Variants in DNASE1L3 observed in about 807,000 individuals in gnomAD.
The protein encoded by DNASE1L3 is deoxyribonuclease 1L3.
In DNASE1L3, 27 loss-of-function variants were observed where a neutral mutation model predicts 30.9. The ratio of observed to expected loss-of-function variants is 0.87; its 90% CI spans 0.64 to 1.20. The LOEUF (loss-of-function observed/expected upper bound fraction) is 1.20, where lower values mean the gene tolerates loss of function less well. Ranked by LOEUF, DNASE1L3 falls within the 50% of genes most tolerant of loss-of-function variation. The pLI is 0.00. For missense variants in DNASE1L3, 364 were observed against 378.2 expected (o/e 0.96, Z 0.31); for synonymous variants, 135 against 138.0 (o/e 0.98, Z 0.15).
In DNASE1L3 at chr3:58,203,837, G is replaced by A. The variant is rs554478717; in HGVS notation, c.433+932C>T. Among the ~76,000 whole-genome samples, 3 of 152,210 alleles carry A rather than the reference G, an allele frequency of 2.0e-5. No individual in the cohort carries two copies. In the South Asian group the frequency reaches 6.2e-4, roughly 32 times the overall value. ...AAAAAAAAAGAACATGAGCTCCTGA[G>A]GTGGTGGCCTGGGTTACAACCCTGG... is the stretch of plus-strand genomic sequence containing the variant. On this transcript the variant is annotated intron_variant, in intron 4 of 7. Coordinates refer to ENST00000394549, the MANE Select transcript of DNASE1L3 (RefSeq NM_004944.4).
rs76440799 is a variant in DNASE1L3 at position 58,193,415 on chromosome 3, G to A, written c.729C>T (p.Ile243=). Residue 243 remains isoleucine, a synonymous_variant, in exon 7 of 8, where the codon ATC becomes ATT. Transcript: ENST00000394549. ...TTGACTTGGGAACAACAGAACTGAC[G>A]ATTTCTTGTCCTCTAAGCACAATCC... The part of the protein sequence containing the change: ...YDRIVLRGQE[I]VSSVVPKSNS... The A allele has an allele frequency of 1.1e-5, 18 of 1,613,706 alleles. No individual in the cohort carries two copies. Among genetic ancestry groups the A allele is most frequent in the East Asian group, 1.1e-4 (5 of 44,882 alleles).
chr3:58,194,596 C>T (rs1395381329), intron 6 of DNASE1L3, among the ~76,000 whole-genome samples: 7 of 148,338 alleles, frequency 4.7e-5, no homozygotes, highest in Non-Finnish European at 8.9e-5. Flanking sequence ...CTGGGATTAC[C>T]GGTGTAAGCC....
At chr3:58,195,859 A>T (rs984576045) in intron 6 of DNASE1L3, among the ~76,000 whole-genome samples, 3 of 152,216 alleles carry the variant, frequency 2.0e-5, no homozygotes, top group Admixed American at 2.0e-4. Flanking sequence ...CATCAAAATA[A>T]GAAATGAATC....
At chr3:58,201,842 A>G (rs2097400744) in intron 4 of DNASE1L3, among the ~76,000 whole-genome samples, 1 of 152,250 alleles carries the variant, frequency 6.6e-6, no homozygotes, top group South Asian at 2.1e-4. Context: ...CCATTGTTCC[A>G]TCTGCAAGGA....
intron 6 of DNASE1L3, among the ~76,000 whole-genome samples, chr3:58,194,076 C>T (rs1559754657): frequency 6.6e-6 from 1 of 152,156 alleles, no homozygotes. Flanking sequence ...AGAAAAATCA[C>T]AGCATATGTG....
At position 58,192,998 on chromosome 3, in the gene DNASE1L3, C is replaced by A; in HGVS notation, c.802-195G>T. 2 of 1,434,076 alleles carry A rather than the reference C, an allele frequency of 1.4e-6. No individual in the cohort carries two copies. Among genetic ancestry groups the A allele is most frequent in the Non-Finnish European group, 1.8e-6 (2 of 1,101,658 alleles). The allele number at this position is 1,434,076 out of a possible 1,614,324, so 88.8% of individuals were successfully genotyped here. A position where few individuals can be genotyped will look rare whatever the true frequency, so the allele number is the denominator to read the frequency against. ...TTGGAGGGGCCTCAAATCACAGAAT[C>A]ATAGGCATTGAGGGTCAAGGTCTAG... On this transcript the variant is annotated intron_variant, in intron 7 of 7. Transcript: ENST00000394549. The surrounding 1 kb of genome is among the most constrained non-coding windows in gnomAD (Gnocchi z 4.8).
chr3:58,195,235 ACAT>A (rs1443699245), intron 6 of DNASE1L3, among the ~76,000 whole-genome samples: 4 of 152,152 alleles, frequency 2.6e-5, no homozygotes, highest in African/African-American at 9.7e-5. Context: ...CATTTTTAAA[ACAT>A]CATTTTTATG....
intron 4 of DNASE1L3, among the ~76,000 whole-genome samples, chr3:58,204,004 A>G (rs2097402322): frequency 6.6e-6 from 1 of 152,104 alleles, no homozygotes; most frequent in Non-Finnish European, 1.5e-5. Flanking sequence ...GGGCCAGTAC[A>G]AGTACTGTTG....
intron 4 of DNASE1L3, among the ~76,000 whole-genome samples, chr3:58,203,602 A>G (rs1252050839): frequency 6.6e-6 from 1 of 152,212 alleles, no homozygotes; most frequent in Non-Finnish European, 1.5e-5. Flanking sequence ...GTTCAAGAAC[A>G]GCCTAGGCAA....
chr3:58,209,911 C>T (rs1323878678), intron 1 of DNASE1L3, among the ~76,000 whole-genome samples: 1 of 152,128 alleles, frequency 6.6e-6, no homozygotes, highest in Non-Finnish European at 1.5e-5. Flanking sequence ...GGTTAAGTTG[C>T]CAGCATCAAA....
chr3:58,206,412 G>A (rs1183578735), intron 2 of DNASE1L3, among the ~76,000 whole-genome samples: 2 of 152,164 alleles, frequency 1.3e-5, no homozygotes, highest in Non-Finnish European at 2.9e-5. Context: ...GGCAGACTTA[G>A]CCCCTGGGGC....
intron 2 of DNASE1L3, chr3:58,207,974 C>CT (rs1443332113): frequency 1.2e-5 from 5 of 417,512 alleles, no homozygotes; most frequent in Non-Finnish European, 2.1e-5. Context: ...GCCTCATCTG[C>CT]TTTTTTCATT....
intron 6 of DNASE1L3, among the ~76,000 whole-genome samples, chr3:58,196,728 A>G (rs1328660417): frequency 6.6e-6 from 1 of 152,106 alleles, no homozygotes; most frequent in Non-Finnish European, 1.5e-5. Context: ...CTGTGATGGA[A>G]GATCACTAAC....
rs986134873 is a variant in DNASE1L3 at position 58,200,756 on chromosome 3, A to G, written c.546+241T>C. ...CCTGGCACTAGCTATTCACTCAGTA[A>G]ATGTTGGCATCTGTTATTAATGGGA... is the stretch of plus-strand genomic sequence containing the variant. On this transcript the variant is annotated intron_variant, in intron 5 of 7. Transcript: ENST00000394549. This position sits in a 1 kb window ranked among gnomAD's most constrained non-coding sequence, Gnocchi z 4.2. Among the ~76,000 whole-genome samples, 1 of 152,198 alleles carries G rather than the reference A, an allele frequency of 6.6e-6. No individual in the cohort carries two copies. Among genetic ancestry groups the G allele is most frequent in the Admixed American group, 6.5e-5 (1 of 15,290 alleles).
intron 6 of DNASE1L3, among the ~76,000 whole-genome samples, chr3:58,196,137 T>C (rs974417430): frequency 1.3e-5 from 2 of 152,132 alleles, no homozygotes; most frequent in African/African-American, 2.4e-5. Flanking sequence ...CAGGCTTTGC[T>C]GGAAGTCCTT....
In DNASE1L3 at chr3:58,192,547, G is replaced by T; in HGVS notation, c.*140C>A. Reference sequence around the variant, plus strand: ...TACAAAAGATTCTCCTTCCAATTTGGCTCAAGTCAGAATAAATTCAGGTCA... The same window carrying T: ...TACAAAAGATTCTCCTTCCAATTTGTCTCAAGTCAGAATAAATTCAGGTCA... On this transcript the variant is annotated 3_prime_UTR_variant, in exon 8 of 8. Transcript: ENST00000394549. This position sits in a 1 kb window ranked among gnomAD's most constrained non-coding sequence, Gnocchi z 4.8. 1.1e-6 allele frequency: 1 copy of T among 886,806 alleles called. No individual in the cohort carries two copies. Among genetic ancestry groups the T allele is most frequent in the Non-Finnish European group, 1.7e-6 (1 of 584,766 alleles). The allele number at this position is 886,806 out of a possible 1,614,324, so 54.9% of individuals were successfully genotyped here. A position where few individuals can be genotyped will look rare whatever the true frequency, so the allele number is the denominator to read the frequency against.
chr3:58,195,985 C>T (rs1199979045), intron 6 of DNASE1L3, among the ~76,000 whole-genome samples: 2 of 152,088 alleles, frequency 1.3e-5, no homozygotes, highest in Non-Finnish European at 2.9e-5. Context: ...TCTACTGTGG[C>T]CATGTTGCCT....
rs1200520257 is a variant in DNASE1L3, at chr3:58,197,713, A to AAAGT, written c.704+104_704+107dup. 26 of 1,512,724 alleles carry AAAGT rather than the reference A, an allele frequency of 1.7e-5. No homozygotes were observed. The highest frequency in any genetic ancestry group is 2.3e-5 in the East Asian group (1 of 44,114). The allele number at this position is 1,512,724 out of a possible 1,614,324, so 93.7% of individuals were successfully genotyped here. On this transcript the variant is annotated intron_variant, in intron 6 of 7. Coordinates refer to ENST00000394549, the MANE Select transcript of DNASE1L3 (RefSeq NM_004944.4). The surrounding 1 kb of genome is among the most constrained non-coding windows in gnomAD (Gnocchi z 5.3). ...AGCGATCCATCCATCGAGGCCTCCC[A>AAAGT]AAGTGCTAGGACTACTGGCGTGAGC... is the stretch of plus-strand genomic sequence containing the variant.
At chr3:58,202,774 A>G (rs2107375741) in intron 4 of DNASE1L3, among the ~76,000 whole-genome samples, 1 of 151,970 alleles carries the variant, frequency 6.6e-6, no homozygotes, top group South Asian at 2.1e-4. Flanking sequence ...AATCGTTTGA[A>G]CTTGGGAGGC....
Sources: allele counts gnomAD v4.1 joint callset (sites outside exome capture counted in the v4.1 genomes callset), GRCh38; gene constraint gnomAD v4.1.1; non-coding constraint Gnocchi (gnomAD v3.1); transcripts MANE v1.5; gene names NCBI Gene and HGNC (gene_info 2026-07-23, HGNC 2026-07-21).